The following DGKD variants were observed in gnomAD, a reference collection of about 807,000 sequenced individuals.
DGKD encodes the protein diacylglycerol kinase delta.
In DGKD, 68 loss-of-function variants were observed where a neutral mutation model predicts 154.4. The observed-to-expected ratio is 0.44, with a 90% CI of 0.36 to 0.54. DGKD has a LOEUF of 0.54. DGKD is among the 20% of genes least tolerant of loss of function. The pLI, the probability that DGKD is intolerant of heterozygous loss-of-function variation, is 0.00. For missense variants in DGKD, 1,343 were observed against 1,593.6 expected (o/e 0.84, Z 2.68); for synonymous variants, 693 against 638.0 (o/e 1.09, Z -1.30).
chr2:233,455,531 C>T lies in DGKD; in HGVS notation c.2375+658C>T, dbSNP rs566350398. On this transcript the variant is annotated intron_variant, in intron 19 of 29. Transcript: ENST00000264057. ...GAGAAATGTCTCCCTCCCCACCCCA[C>T]AGTAATAATCAGAGAGGCCATTCAG... is the stretch of plus-strand genomic sequence containing the variant. 3.9e-5 allele frequency among the ~76,000 whole-genome samples: 6 copies of T among 152,348 alleles called. No individual in the cohort carries two copies. In the East Asian group the frequency reaches 9.6e-4, roughly 24 times the overall value.
intron 17 of DGKD, 40 bp downstream of exon 17, chr2:233,451,090 G>A (rs781734785): frequency 1.9e-6 from 3 of 1,566,686 alleles, no homozygotes; most frequent in Non-Finnish European, 2.6e-6. Flanking sequence ...GGGGGCCCTA[G>A]CACAACACTG....
chr2:233,399,807 C>T (rs2061513225), intron 3 of DGKD, among the ~76,000 whole-genome samples: 1 of 152,042 alleles, frequency 6.6e-6, no homozygotes, highest in East Asian at 1.9e-4. Context: ...GGGCCTTTCC[C>T]CCAACATGAG....
chr2:233,405,951 A>G (rs1400447252), intron 3 of DGKD, among the ~76,000 whole-genome samples: 1 of 152,216 alleles, frequency 6.6e-6, no homozygotes, highest in Non-Finnish European at 1.5e-5. Flanking sequence ...TTCCATAGCA[A>G]ATTATCAGAT....
Position 233,464,139 on chromosome 2 carries a change from C to T in DGKD, c.3187-25C>T, listed in dbSNP as rs773671052. ...TCAGCAGTGCACACTCTCCATTTCT[C>T]TCTCCCTCCCTCCGCCTGGAGCAGC... On this transcript the variant is annotated intron_variant, in intron 26 of 29. Transcript: ENST00000264057. 3 of 1,613,038 alleles carry T rather than the reference C, an allele frequency of 1.9e-6. No individual in the cohort carries two copies. The South Asian group carries it at 3.3e-5, about 18-fold the overall frequency.
chr2:233,428,148 G>T (rs570012523), intron 3 of DGKD, among the ~76,000 whole-genome samples: 1 of 152,240 alleles, frequency 6.6e-6, no homozygotes, highest in East Asian at 1.9e-4. Context: ...GGAGGAGGTG[G>T]GCCCTTGCCT....
chr2:233,408,095 T>A (rs1273556885), intron 3 of DGKD, among the ~76,000 whole-genome samples: 1 of 147,540 alleles, frequency 6.8e-6, no homozygotes, highest in Non-Finnish European at 1.5e-5. Flanking sequence ...CAGGCTGGAG[T>A]GCCGTGCTGC....
At chr2:233,382,619 C>T (rs578109306) in intron 1 of DGKD, among the ~76,000 whole-genome samples, 1 of 152,260 alleles carries the variant, frequency 6.6e-6, no homozygotes, top group South Asian at 2.1e-4. Context: ...GGTCAGTCCC[C>T]TCCATTTTCT....
intron 3 of DGKD, among the ~76,000 whole-genome samples, chr2:233,395,779 C>CAAATTTGGGA: frequency 6.6e-6 from 1 of 151,792 alleles, no homozygotes; most frequent in Non-Finnish European, 1.5e-5. Context: ...AGCGATCCAC[C>CAAATTTGGGA]GGCCTCAGCC....
chr2:233,381,816 GTCTC>G (rs139633252), intron 1 of DGKD, among the ~76,000 whole-genome samples: 9 of 152,222 alleles, frequency 5.9e-5, no homozygotes, highest in African/African-American at 2.4e-5. Context: ...AAGTTACTCA[GTCTC>G]TCTGTTTACC....
chr2:233,389,491 T>TC (rs1703431297), intron 2 of DGKD, among the ~76,000 whole-genome samples: 1 of 151,760 alleles, frequency 6.6e-6, no homozygotes, highest in South Asian at 2.1e-4. Flanking sequence ...TTTTGAGACA[T>TC]ATCCCTAGAA....
chr2:233,430,991 C>CA (rs1321486601), intron 3 of DGKD, among the ~76,000 whole-genome samples: 2 of 151,736 alleles, frequency 1.3e-5, no homozygotes, highest in African/African-American at 4.8e-5. Flanking sequence ...CAAACAACAA[C>CA]AAAAAAAGAA....
chr2:233,438,855 G>A lies in DGKD; in HGVS notation c.1085+476G>A, dbSNP rs2062800128. 6.6e-6 allele frequency among the ~76,000 whole-genome samples: 1 copy of A among 151,756 alleles called. No individual in the cohort carries two copies. The highest frequency in any genetic ancestry group is 2.1e-4 in the South Asian group (1 of 4,830). ...CTGGCGTGCCTCGTTCTTTGTAACA[G>A]CTGCCTAACATTGAGGAAGAAGCTG... On this transcript the variant is annotated intron_variant, in intron 9 of 29. Coordinates refer to ENST00000264057, the MANE Select transcript of DGKD (RefSeq NM_152879.3). The surrounding 1 kb of genome is among the most constrained non-coding windows in gnomAD (Gnocchi z 4.1).
At position 233,458,401 on chromosome 2, in the gene DGKD, G is replaced by T; in HGVS notation, c.2694+4G>T. The T allele has an allele frequency of 6.2e-7, 1 of 1,603,582 alleles. No homozygotes were observed. On this transcript the variant is annotated splice_donor_region_variant and intron_variant, in intron 22 of 29. Transcript: ENST00000264057. The surrounding 1 kb of genome is among the most constrained non-coding windows in gnomAD (Gnocchi z 6.6). ...ACAGCATCATCGGATCGCCCAGGTA[G>T]TGGCCATGGTCCTGGGGTGTCTGGC...
In DGKD at chr2:233,462,403, G is replaced by A; in HGVS notation, c.3037G>A (p.Val1013Ile). ...CATGGAGCAGGAACTGGCCCACGCC[G>A]TCAATGCCAGCTCCAAGTCCATGGA... ...RDMEQELAHA[V>I]NASSKSMDRV... is the part of the protein sequence containing the mutation. Residue 1013 changes from valine to isoleucine, a missense_variant, in exon 25 of 30, where the codon GTC (valine) becomes ATC (isoleucine). Transcript: ENST00000264057. 5 of 1,604,444 alleles carry A rather than the reference G, an allele frequency of 3.1e-6. No individual in the cohort carries two copies. The highest frequency in any genetic ancestry group is 1.7e-5 in the Admixed American group (1 of 59,870).
At chr2:233,460,848 C>T (rs1487670817) in intron 24 of DGKD, among the ~76,000 whole-genome samples, 4 of 151,952 alleles carry the variant, frequency 2.6e-5, no homozygotes, top group Admixed American at 6.6e-5. Flanking sequence ...GCCGAGATAG[C>T]GCCACTGCAC....
chr2:233,441,899 C>T lies in DGKD; in HGVS notation c.1098C>T (p.Phe366=). 6.2e-7 allele frequency: 1 copy of T among 1,613,804 alleles called. No homozygotes were observed. Among genetic ancestry groups the T allele is most frequent in the Non-Finnish European group, 8.5e-7 (1 of 1,179,724 alleles). Residue 366 remains phenylalanine, a synonymous_variant, in exon 10 of 30, where the codon TTC becomes TTT. Transcript: ENST00000264057. The surrounding 1 kb of genome is among the most constrained non-coding windows in gnomAD (Gnocchi z 5.6). The part of the protein sequence containing the change: ...NGGPHLGLRL[F]QKFDTFRILV... ...CTTTTCTCTGCAGCTTACGGTTATT[C>T]CAGAAGTTTGACACATTCCGGATTC...
At chr2:233,454,639 T>G (rs1323814818) in intron 18 of DGKD, 124 bp from the exon 19 acceptor site, 3 of 621,926 alleles carry the variant, frequency 4.8e-6, no homozygotes, top group Non-Finnish European at 8.7e-6. Context: ...AATAAATCTC[T>G]TAGCAGACAA....
intron 3 of DGKD, among the ~76,000 whole-genome samples, chr2:233,416,482 T>C (rs996519767): frequency 6.6e-6 from 1 of 152,214 alleles, no homozygotes; most frequent in African/African-American, 2.4e-5. Flanking sequence ...TGGATGGTAG[T>C]GTCAAGGGCT....
intron 3 of DGKD, among the ~76,000 whole-genome samples, chr2:233,405,122 AAATTT>A (rs1173039071): frequency 6.6e-6 from 1 of 152,240 alleles, no homozygotes; most frequent in Non-Finnish European, 1.5e-5. Flanking sequence ...AGTGAAAATT[AAATTT>A]AAGATATGTA....
Sources: allele counts gnomAD v4.1 joint callset (sites outside exome capture counted in the v4.1 genomes callset), GRCh38; gene constraint gnomAD v4.1.1; non-coding constraint Gnocchi (gnomAD v3.1); transcripts MANE v1.5; gene names NCBI Gene and HGNC (gene_info 2026-07-23, HGNC 2026-07-21).